Variants in KLF12 observed in about 807,000 individuals in gnomAD.
The protein encoded by KLF12 is KLF transcription factor 12.
KLF12 carries 9 observed loss-of-function variants against 37.8 expected under a neutral mutation model. The observed-to-expected ratio is 0.24, with a 90% CI of 0.14 to 0.42. The LOEUF is 0.42. Among genes scored for constraint, KLF12 ranks in the 10% least tolerant of loss-of-function variants. The probability of loss-of-function intolerance (pLI) is 1.00; values close to 1 mark genes in which losing one functional copy is unlikely to be tolerated. For missense variants in KLF12, 411 were observed against 516.0 expected (o/e 0.80, Z 1.97); for synonymous variants, 208 against 202.1 (o/e 1.03, Z -0.25).
At position 73,718,699 on chromosome 13, in the gene KLF12, C is replaced by T. The variant is rs958239428; in HGVS notation, c.870-3174G>A. Among the ~76,000 whole-genome samples the T allele has an allele frequency of 3.3e-5, 5 of 152,264 alleles. No homozygotes were observed. The East Asian group carries it at 9.7e-4, about 29-fold the overall frequency. Reference sequence around the variant, plus strand: ...CTTGAGCTCAGGAGTTCAAGACCAGCCAGGGCAACATGGTGAAACCCTGTC... The same window carrying T: ...CTTGAGCTCAGGAGTTCAAGACCAGTCAGGGCAACATGGTGAAACCCTGTC... On this transcript the variant is annotated intron_variant, in intron 6 of 7. Transcript: ENST00000377669.
chr13:73,877,276 C>T (rs1055250146), intron 3 of KLF12, among the ~76,000 whole-genome samples: 5 of 152,006 alleles, frequency 3.3e-5, no homozygotes, highest in East Asian at 1.9e-4. Flanking sequence ...TCAATCAGAC[C>T]GTATTAATAG....
intron 3 of KLF12, among the ~76,000 whole-genome samples, chr13:73,933,332 T>A (rs1040820625): frequency 6.6e-6 from 1 of 152,186 alleles, no homozygotes; most frequent in Non-Finnish European, 1.5e-5. Context: ...TAAAACAATG[T>A]TCACCACAGA....
intron 3 of KLF12, among the ~76,000 whole-genome samples, chr13:73,865,441 T>C (rs972903762): frequency 4.6e-5 from 7 of 152,198 alleles, no homozygotes; most frequent in African/African-American, 1.7e-4. Context: ...TAAAAGTGCA[T>C]TTTAAGACAC....
In KLF12 at chr13:74,133,673, T is replaced by C. The variant is rs1279275930; in HGVS notation, c.-32+66A>G. Among the ~76,000 whole-genome samples, 4 of 62,228 alleles carry C rather than the reference T, an allele frequency of 6.4e-5. No individual in the cohort carries two copies. The Admixed American group carries it at 7.8e-4, about 12-fold the overall frequency. 40.8% of individuals were successfully genotyped at this position (62,228 alleles called of 152,430 possible). On this transcript the variant is annotated intron_variant, in intron 1 of 7. Coordinates refer to ENST00000377669, the MANE Select transcript of KLF12 (RefSeq NM_007249.5). ...TAAGAGAATACGGTCTGATTTGGGA[T>C]GGCAAAAAAAAAAAAAAAAGAGGAG...
chr13:73,721,963 C>A (rs1876296822), intron 6 of KLF12, among the ~76,000 whole-genome samples: 1 of 152,114 alleles, frequency 6.6e-6, no homozygotes, highest in African/African-American at 2.4e-5. Flanking sequence ...ATTAATGCCA[C>A]AAAATTAGTC....
chr13:73,863,690 G>C (rs1349034868), intron 3 of KLF12, among the ~76,000 whole-genome samples: 1 of 152,072 alleles, frequency 6.6e-6, no homozygotes, highest in Non-Finnish European at 1.5e-5. Context: ...TCAAATATTA[G>C]AATATGTTCA....
chr13:74,293,781 T>C, the KLF12 span, among the ~76,000 whole-genome samples: 1 of 152,208 alleles, frequency 6.6e-6, no homozygotes, highest in Admixed American at 6.5e-5. Flanking sequence ...GCCTTTTGTA[T>C]ATTGGCCATG....
intron 1 of KLF12, among the ~76,000 whole-genome samples, chr13:74,108,961 T>A (rs920194970): frequency 6.6e-6 from 1 of 152,174 alleles, no homozygotes; most frequent in South Asian, 2.1e-4. Flanking sequence ...AAAATTTATG[T>A]AAATTAATCA....
the KLF12 span, among the ~76,000 whole-genome samples, chr13:74,271,371 A>G: frequency 6.6e-6 from 1 of 152,212 alleles, no homozygotes; most frequent in Non-Finnish European, 1.5e-5. Flanking sequence ...AGCCTTGGAC[A>G]TTAATATGAG....
At chr13:73,710,290 C>A (rs945817587) in intron 7 of KLF12, among the ~76,000 whole-genome samples, 1 of 151,954 alleles carries the variant, frequency 6.6e-6, no homozygotes, top group Admixed American at 6.6e-5. Context: ...ATAGAGTAAA[C>A]TGCTAAAAAA....
chr13:74,297,230 G>A, the KLF12 span, among the ~76,000 whole-genome samples: 3 of 152,160 alleles, frequency 2.0e-5, no homozygotes, highest in Admixed American at 6.5e-5. Flanking sequence ...ATAGCTTAAT[G>A]CCTAGACAGG....
At chr13:73,871,894 G>T (rs567215604) in intron 3 of KLF12, among the ~76,000 whole-genome samples, 1 of 152,248 alleles carries the variant, frequency 6.6e-6, no homozygotes, top group South Asian at 2.1e-4. Flanking sequence ...TTGTAGTTTC[G>T]AATGACATTC....
the KLF12 span, among the ~76,000 whole-genome samples, chr13:74,279,936 A>G: frequency 6.6e-6 from 1 of 152,218 alleles, no homozygotes; most frequent in Non-Finnish European, 1.5e-5. Context: ...AGAGGGATGC[A>G]CAAGAATGTT....
chr13:73,953,009 TAAG>T (rs1890698606), intron 2 of KLF12, among the ~76,000 whole-genome samples: 1 of 152,120 alleles, frequency 6.6e-6, no homozygotes, highest in Admixed American at 6.5e-5. Context: ...GTGCTGGTGG[TAAG>T]AAAGAGCTGG....
At chr13:74,203,895 A>G in the KLF12 span, among the ~76,000 whole-genome samples, 2 of 152,170 alleles carry the variant, frequency 1.3e-5, no homozygotes, top group Non-Finnish European at 2.9e-5. Context: ...TGTTTTGAAC[A>G]GTATGTAAGC....
intron 1 of KLF12, among the ~76,000 whole-genome samples, chr13:74,107,076 A>C (rs983198618): frequency 4.6e-5 from 7 of 152,116 alleles, no homozygotes; most frequent in African/African-American, 1.7e-4. Flanking sequence ...CATTCCCCAC[A>C]GATGGCGCTT....
At chr13:73,934,322 G>C (rs1889825667) in intron 3 of KLF12, among the ~76,000 whole-genome samples, 1 of 152,150 alleles carries the variant, frequency 6.6e-6, no homozygotes. Context: ...CAAGTGGTGG[G>C]AGAACTCTAC....
chr13:74,276,184 T>G, the KLF12 span, among the ~76,000 whole-genome samples: 1 of 151,948 alleles, frequency 6.6e-6, no homozygotes, highest in Admixed American at 6.6e-5. Context: ...TGTGTCCATG[T>G]GTTCTCATTG....
chr13:74,007,239 AAATC>A (rs1892430574), intron 1 of KLF12, among the ~76,000 whole-genome samples: 1 of 18,882 alleles, frequency 5.3e-5, no homozygotes. Flanking sequence ...TTACCCACTG[AAATC>A]AGAAAAAGAC....
Sources: allele counts gnomAD v4.1 joint callset (sites outside exome capture counted in the v4.1 genomes callset), GRCh38; gene constraint gnomAD v4.1.1; transcripts MANE v1.5; gene names NCBI Gene and HGNC (gene_info 2026-07-23, HGNC 2026-07-21).